The following PACS1 variants were observed in gnomAD, a reference collection of about 807,000 sequenced individuals.
PACS1 encodes phosphofurin acidic cluster sorting protein 1.
In PACS1, 24 loss-of-function variants were observed where a neutral mutation model predicts 115.0. The observed-to-expected ratio is 0.21, with a 90% CI of 0.15 to 0.29. The LOEUF (loss-of-function observed/expected upper bound fraction) is 0.29. PACS1 is among the 10% of genes least tolerant of loss of function. The pLI is 1.00. For missense variants in PACS1, 838 were observed against 1,251.2 expected (o/e 0.67, Z 4.98); for synonymous variants, 453 against 504.5 (o/e 0.90, Z 1.37).
At chr11:66,123,126 T>A (rs10791849) in intron 1 of PACS1, among the ~76,000 whole-genome samples, 29,113 of 151,766 alleles carry the variant, frequency 0.19, 2,875 homozygotes, top group Middle Eastern at 0.28. Context: ...GCCATCAACA[T>A]TGAGGCAAGA....
intron 1 of PACS1, among the ~76,000 whole-genome samples, chr11:66,132,058 G>A (rs761514415): frequency 3.4e-4 from 52 of 152,080 alleles, no homozygotes; most frequent in Middle Eastern, 3.4e-3. Flanking sequence ...CCTCCACAAT[G>A]GATACTGATA....
chr11:66,074,461 C>G, intron 1 of PACS1, among the ~76,000 whole-genome samples: 1 of 152,018 alleles, frequency 6.6e-6, no homozygotes, highest in East Asian at 1.9e-4. Flanking sequence ...GTGAGGTTTC[C>G]CTGATGTTCT....
At chr11:66,230,135 TAAAAAAAAAA>T (rs11357711) in intron 11 of PACS1, among the ~76,000 whole-genome samples, 2 of 96,920 alleles carry the variant, frequency 2.1e-5, no homozygotes, top group Non-Finnish European at 2.1e-5. Context: ...GGAATGGGGC[TAAAAAAAAAA>T]AAAAAAAAGA....
At chr11:66,115,286 TA>T (rs925453766) in intron 1 of PACS1, among the ~76,000 whole-genome samples, 8 of 152,152 alleles carry the variant, frequency 5.3e-5, no homozygotes, top group Admixed American at 5.2e-4. Flanking sequence ...ATGAGTGCTT[TA>T]AATTAATGTT....
chr11:66,213,516 A>G (rs1217467507), intron 4 of PACS1, among the ~76,000 whole-genome samples: 1 of 152,228 alleles, frequency 6.6e-6, no homozygotes, highest in Admixed American at 6.5e-5. Context: ...AGGAGTGCCC[A>G]TGTCCCCAAC....
chr11:66,141,992 G>T (rs1162034134), intron 1 of PACS1, among the ~76,000 whole-genome samples: 1 of 151,984 alleles, frequency 6.6e-6, no homozygotes, highest in Non-Finnish European at 1.5e-5. Flanking sequence ...TTTTAGTAGA[G>T]ACGGGGTTTC....
At position 66,239,005 on chromosome 11, in the gene PACS1, G is replaced by A. The variant is rs1855757707; in HGVS notation, c.2294-137G>A. On this transcript the variant is annotated intron_variant, in intron 20 of 23. Transcript: ENST00000320580. ...CCCTCACTCCCCTGCTGCGGTGGTG[G>A]CTGGGGGAGGTGGAAGGAGCCTGGG... 4.9e-6 allele frequency: 7 copies of A among 1,419,710 alleles called. No individual in the cohort carries two copies. In the South Asian group the frequency reaches 7.2e-5, roughly 15 times the overall value. The allele number at this position is 1,419,710 out of a possible 1,614,324, so 87.9% of individuals were successfully genotyped here. A position where few individuals can be genotyped will look rare whatever the true frequency, so the allele number is the denominator to read the frequency against.
chr11:66,141,326 G>A (rs531248095), intron 1 of PACS1, among the ~76,000 whole-genome samples: 11 of 151,926 alleles, frequency 7.2e-5, no homozygotes, highest in African/African-American at 1.4e-4. Context: ...GGGTCTCGCC[G>A]TGTGGCCCAG....
At position 66,211,113 on chromosome 11, in the gene PACS1, ACT is replaced by A; in HGVS notation, c.535-18_535-17del. ...CCCAGCTGCCCATTAACCACGCTCG[ACT>A]CTGTTTTGTATTTCGTAGTACCCTC... On this transcript the variant is annotated intron_variant, in intron 3 of 23. Coordinates refer to ENST00000320580, the MANE Select transcript of PACS1 (RefSeq NM_018026.4). The A allele has an allele frequency of 1.2e-6, 2 of 1,612,504 alleles. No homozygotes were observed. Among genetic ancestry groups the A allele is most frequent in the Non-Finnish European group, 1.7e-6 (2 of 1,179,014 alleles).
chr11:66,203,902 T>C (rs1023930551), intron 2 of PACS1, among the ~76,000 whole-genome samples: 1 of 152,122 alleles, frequency 6.6e-6, no homozygotes, highest in Non-Finnish European at 1.5e-5. Context: ...ATGACACTAC[T>C]AAAAGAAAAC....
At chr11:66,220,441 G>A in intron 8 of PACS1, 190 bp from the exon 9 acceptor site, 2 of 589,886 alleles carry the variant, frequency 3.4e-6, no homozygotes, top group South Asian at 4.1e-5. Flanking sequence ...CTGGGGGGAA[G>A]GTGGCCTCAC....
At chr11:66,202,726 G>GGAAAAAAAAAAAAAAAAAAAAAAA in intron 2 of PACS1, among the ~76,000 whole-genome samples, 1 of 10,964 alleles carries the variant, frequency 9.1e-5, no homozygotes, top group Non-Finnish European at 2.0e-4. Context: ...TCATCTCTAG[G>GGAAAAAAAAAAAAAAAAAAAAAAA]AAAAAAAAAA....
chr11:66,219,284 C>T (rs1377134871), intron 7 of PACS1, among the ~76,000 whole-genome samples: 5 of 151,768 alleles, frequency 3.3e-5, no homozygotes, highest in Non-Finnish European at 7.4e-5. Flanking sequence ...GAAGGAGAGA[C>T]TCCAGGCGTA....
intron 1 of PACS1, among the ~76,000 whole-genome samples, chr11:66,124,573 T>G (rs1858527967): frequency 6.6e-6 from 1 of 152,218 alleles, no homozygotes; most frequent in East Asian, 1.9e-4. Flanking sequence ...ACCTTGTTCT[T>G]TACCTGCTCT....
At chr11:66,107,418 A>G (rs1341333744) in intron 1 of PACS1, among the ~76,000 whole-genome samples, 2 of 152,080 alleles carry the variant, frequency 1.3e-5, no homozygotes, top group Admixed American at 6.5e-5. Context: ...CTAACACACT[A>G]TATCCTTTTC....
intron 20 of PACS1, 145 bp downstream of exon 20, chr11:66,238,991 C>A: frequency 1.4e-6 from 2 of 1,384,380 alleles, no homozygotes. Context: ...CCTCACTCCC[C>A]TGCTGCGGTG....
At chr11:66,143,773 G>A (rs929623671) in intron 1 of PACS1, among the ~76,000 whole-genome samples, 2 of 152,010 alleles carry the variant, frequency 1.3e-5, no homozygotes, top group African/African-American at 4.8e-5. Context: ...CCAAGAACCT[G>A]GGTTTACAGG....
intron 2 of PACS1, among the ~76,000 whole-genome samples, chr11:66,202,083 A>T (rs982361902): frequency 4.6e-5 from 7 of 152,216 alleles, no homozygotes; most frequent in African/African-American, 1.7e-4. Flanking sequence ...AATTCAAAGG[A>T]TCATTAGTGG....
At chr11:66,113,151 C>T (rs1405836822) in intron 1 of PACS1, among the ~76,000 whole-genome samples, 1 of 152,190 alleles carries the variant, frequency 6.6e-6, no homozygotes, top group African/African-American at 2.4e-5. Context: ...CAGAACTTAT[C>T]AAAATGTACA....
Sources: allele counts gnomAD v4.1 joint callset (sites outside exome capture counted in the v4.1 genomes callset), GRCh38; gene constraint gnomAD v4.1.1; transcripts MANE v1.5; gene names NCBI Gene and HGNC (gene_info 2026-07-23, HGNC 2026-07-21).